UNC79: variants seen among roughly 807,000 people sequenced by gnomAD.
UNC79 encodes protein unc-79 homolog.
Under a neutral mutation model 283.1 loss-of-function variants are expected in UNC79, and 37 were observed. That is an observed-to-expected ratio of 0.13 (90% CI 0.10 to 0.17). The LOEUF is 0.17. Among genes scored for constraint, UNC79 ranks in the 10% least tolerant of loss-of-function variants. The probability of loss-of-function intolerance (pLI) is 1.00; values close to 1 mark genes in which losing one functional copy is unlikely to be tolerated. For missense variants in UNC79, 2,272 were observed against 3,211.1 expected, an observed-to-expected ratio of 0.71 and a Z score of 7.07; for synonymous variants, 1,107 against 1,200.2, an observed-to-expected ratio of 0.92 and a Z score of 1.61.
In UNC79 at chr14:93,432,824, G is replaced by A. The variant is rs1033645318; in HGVS notation, c.22+1773G>A. ...AAAAAACACCACCTGTCATTTGATT[G>A]TGTAGTTACATATTACGTAAGTAAT... On this transcript the variant is annotated intron_variant, in intron 1 of 48. Transcript: ENST00000555664. Among the ~76,000 whole-genome samples, 3 of 152,166 alleles carry A rather than the reference G, an allele frequency of 2.0e-5. No homozygotes were observed. In the South Asian group the frequency reaches 6.2e-4, roughly 32 times the overall value.
chr14:93,502,306 T>G (rs1595671113), intron 7 of UNC79, among the ~76,000 whole-genome samples: 1 of 151,854 alleles, frequency 6.6e-6, no homozygotes, highest in South Asian at 2.1e-4. Context: ...CCAGCTACTC[T>G]GGAGGCTGAG....
At chr14:93,395,686 G>GT (rs1446449296) in intron 1 of UNC79, among the ~76,000 whole-genome samples, 1 of 151,992 alleles carries the variant, frequency 6.6e-6, no homozygotes, top group Non-Finnish European at 1.5e-5. Context: ...TTTTTTGTTT[G>GT]TTTTTTGTTT....
intron 1 of UNC79, among the ~76,000 whole-genome samples, chr14:93,413,381 A>T (rs1468339932): frequency 1.3e-5 from 2 of 151,878 alleles, no homozygotes; most frequent in African/African-American, 2.4e-5. Context: ...GCTGCATAGT[A>T]TTCCATGGTG....
At chr14:93,510,797 T>G (rs906753069) in intron 7 of UNC79, among the ~76,000 whole-genome samples, 1 of 152,198 alleles carries the variant, frequency 6.6e-6, no homozygotes, top group African/African-American at 2.4e-5. Flanking sequence ...TCCTGTCTTC[T>G]TCTGAGCCTT....
intron 1 of UNC79, among the ~76,000 whole-genome samples, chr14:93,346,224 A>G (rs1174812130): frequency 2.0e-5 from 3 of 152,202 alleles, no homozygotes; most frequent in Non-Finnish European, 4.4e-5. Flanking sequence ...GAACAGAGGA[A>G]TCCAGAGAAA....
intron 46 of UNC79, among the ~76,000 whole-genome samples, chr14:93,693,944 C>G (rs756077869): frequency 6.6e-6 from 1 of 152,024 alleles, no homozygotes; most frequent in Non-Finnish European, 1.5e-5. Flanking sequence ...ATCTCCCCTC[C>G]CTGGGTACCC....
chr14:93,616,893 A>G (rs913250673), intron 27 of UNC79, among the ~76,000 whole-genome samples: 1 of 152,204 alleles, frequency 6.6e-6, no homozygotes, highest in African/African-American at 2.4e-5. Context: ...GAAACAAATA[A>G]TTAATTAGAT....
At chr14:93,679,596 G>A (rs1364378994) in intron 41 of UNC79, among the ~76,000 whole-genome samples, 1 of 152,212 alleles carries the variant, frequency 6.6e-6, no homozygotes, top group Non-Finnish European at 1.5e-5. Flanking sequence ...TGGGCTGGAG[G>A]ACAGAGAACT....
At chr14:93,598,398 G>GTA (rs2065241009) in intron 24 of UNC79, among the ~76,000 whole-genome samples, 1 of 151,656 alleles carries the variant, frequency 6.6e-6, no homozygotes, top group Non-Finnish European at 1.5e-5. Context: ...GTGTGTGTGT[G>GTA]TGTGTGTGTG....
chr14:93,554,136 T>G (rs1297106940), intron 14 of UNC79, among the ~76,000 whole-genome samples: 1 of 151,922 alleles, frequency 6.6e-6, no homozygotes, highest in Non-Finnish European at 1.5e-5. Context: ...GATCACGAGG[T>G]CAGGAATTTG....
intron 1 of UNC79, among the ~76,000 whole-genome samples, chr14:93,448,231 T>C (rs2056526700): frequency 6.6e-6 from 1 of 151,794 alleles, no homozygotes; most frequent in Admixed American, 6.6e-5. Flanking sequence ...ATACTTTCTA[T>C]TGGTCTGTTT....
chr14:93,337,067 C>T (rs2053594498), intron 1 of UNC79, among the ~76,000 whole-genome samples: 1 of 152,080 alleles, frequency 6.6e-6, no homozygotes, highest in African/African-American at 2.4e-5. Context: ...CTGCCAGTTC[C>T]CAGTGAAGTC....
At chr14:93,595,316 C>G (rs527866434) in intron 23 of UNC79, among the ~76,000 whole-genome samples, 8 of 152,242 alleles carry the variant, frequency 5.3e-5, no homozygotes, top group African/African-American at 1.7e-4. Context: ...TCTTGAACTC[C>G]TGACCCCAGA....
At chr14:93,584,170 C>T (rs1168250319) in intron 20 of UNC79, among the ~76,000 whole-genome samples, 1 of 152,162 alleles carries the variant, frequency 6.6e-6, no homozygotes, top group African/African-American at 2.4e-5. Context: ...TTACAATCTG[C>T]TGATCCAGTT....
At chr14:93,473,761 C>T (rs547675149) in intron 2 of UNC79, among the ~76,000 whole-genome samples, 1 of 152,256 alleles carries the variant, frequency 6.6e-6, no homozygotes, top group East Asian at 1.9e-4. Context: ...TTGTTTTTTT[C>T]TCCCAGGAAA....
At chr14:93,466,990 T>C (rs2057215153) in intron 1 of UNC79, 1 of 824,272 alleles carries the variant, frequency 1.2e-6, no homozygotes, top group African/African-American at 1.9e-5. Flanking sequence ...TTAGGAAGTC[T>C]CCTAATTTAT....
At chr14:93,592,734 A>T (rs2064786864) in intron 22 of UNC79, among the ~76,000 whole-genome samples, 1 of 152,200 alleles carries the variant, frequency 6.6e-6, no homozygotes, top group African/African-American at 2.4e-5. Context: ...ACTTTAAATA[A>T]TTGAAAAAAA....
At chr14:93,542,358 A>G (rs2061419211) in intron 13 of UNC79, 108 bp from the exon 14 acceptor site, 2 of 1,155,390 alleles carry the variant, frequency 1.7e-6, no homozygotes, top group Non-Finnish European at 2.4e-6. Flanking sequence ...TTTCAAACAG[A>G]TTATCTGGGA....
At chr14:93,655,115 G>A (rs1001160401) in intron 37 of UNC79, 119 bp from the exon 41 acceptor site, 5 of 1,068,342 alleles carry the variant, frequency 4.7e-6, no homozygotes, top group South Asian at 1.6e-5. Context: ...GGCCTATGTA[G>A]TAGGCACTGA....
Sources: allele counts gnomAD v4.1 joint callset (sites outside exome capture counted in the v4.1 genomes callset), GRCh38; gene constraint gnomAD v4.1.1; transcripts MANE v1.5; gene names NCBI Gene and HGNC (gene_info 2026-07-23, HGNC 2026-07-21).